Variants in XKR6 observed in about 807,000 individuals in gnomAD.
The protein encoded by XKR6 is XK related 6.
XKR6 carries 22 observed loss-of-function variants against 56.7 expected under a neutral mutation model. The observed-to-expected ratio is 0.39, with a 90% CI of 0.28 to 0.55. XKR6 has a LOEUF of 0.55. XKR6 is among the 20% of genes least tolerant of loss of function. XKR6 has a pLI of 0.66. For synonymous variants in XKR6, 524 were observed against 387.8 expected (o/e 1.35, Z -4.13); for missense variants, 852 against 889.0 (o/e 0.96, Z 0.53).
chr8:11,144,223 A>AGTGTGT (rs35351104), intron 1 of XKR6, among the ~76,000 whole-genome samples: 7,700 of 136,438 alleles, frequency 0.056, 240 homozygotes, highest in African/African-American at 0.072. Flanking sequence ...TTAAATAAAA[A>AGTGTGT]GTGTGTGTGT....
At chr8:11,000,455 G>A (rs145790766) in intron 1 of XKR6, among the ~76,000 whole-genome samples, 137 of 152,292 alleles carry the variant, frequency 9.0e-4, no homozygotes, top group African/African-American at 3.2e-3. Context: ...GGAAACTGAG[G>A]TGGATGCATC....
chr8:11,193,833 GCTT>G (rs1563210130), intron 1 of XKR6, among the ~76,000 whole-genome samples: 1 of 147,490 alleles, frequency 6.8e-6, no homozygotes, highest in Non-Finnish European at 1.5e-5. Flanking sequence ...TATTGCTTTA[GCTT>G]AATCTACCAC....
chr8:10,927,266 G>A (rs1800917464), intron 1 of XKR6, among the ~76,000 whole-genome samples: 1 of 152,114 alleles, frequency 6.6e-6, no homozygotes, highest in South Asian at 2.1e-4. Context: ...AGGGCTGCGT[G>A]CCCAGATCTT....
Position 11,105,970 on chromosome 8 carries a change from AAT to A in XKR6, c.764+94604_764+94605del, listed in dbSNP as rs1313168017. ...AATTTCAAACGACAAGCTTTTAAAT[AAT>A]TAGGCCACTTAATTTTTATTACACC... On this transcript the variant is annotated intron_variant, in intron 1 of 2. Transcript: ENST00000416569. 4.6e-5 allele frequency: 7 copies of A among 152,378 alleles called. No individual in the cohort carries two copies. In the East Asian group the frequency reaches 1.3e-3, roughly 29 times the overall value. 9.4% of individuals were successfully genotyped at this position (152,378 alleles called of 1,614,324 possible). A position where few individuals can be genotyped will look rare whatever the true frequency, so the allele number is the denominator to read the frequency against.
intron 1 of XKR6, among the ~76,000 whole-genome samples, chr8:11,156,833 G>GCA (rs377030492): frequency 1.3e-5 from 2 of 151,396 alleles, no homozygotes; most frequent in South Asian, 2.1e-4. Flanking sequence ...AGACACAGAT[G>GCA]CACACACACA....
chr8:11,053,504 G>A (rs2129160772), intron 1 of XKR6, among the ~76,000 whole-genome samples: 1 of 152,324 alleles, frequency 6.6e-6, no homozygotes, highest in Middle Eastern at 3.4e-3. Flanking sequence ...ATGATTCATG[G>A]CAGGAGGATG....
intron 1 of XKR6, among the ~76,000 whole-genome samples, chr8:10,969,230 A>C (rs796652901): frequency 4.6e-5 from 7 of 152,282 alleles, no homozygotes; most frequent in African/African-American, 1.7e-4. Flanking sequence ...GAGAAACTCC[A>C]ACTTAGATGC....
chr8:11,044,248 G>C (rs1327875697), intron 1 of XKR6, among the ~76,000 whole-genome samples: 1 of 152,180 alleles, frequency 6.6e-6, no homozygotes. Flanking sequence ...TAAATGTTAA[G>C]TCTCCAACCA....
At chr8:10,984,732 C>CTCTCTCTCTCTCTA in intron 1 of XKR6, among the ~76,000 whole-genome samples, 5 of 47,488 alleles carry the variant, frequency 1.1e-4, no homozygotes, top group African/African-American at 1.8e-4. Context: ...CTCTCTCTCT[C>CTCTCTCTCTCTCTA]TATATATATA....
chr8:11,076,439 G>A (rs953269724), intron 1 of XKR6, among the ~76,000 whole-genome samples: 2 of 152,146 alleles, frequency 1.3e-5, no homozygotes, highest in South Asian at 4.2e-4. Flanking sequence ...TGCCTGTTGG[G>A]TCCCAGCCTG....
chr8:11,149,197 AC>A (rs1236600201), intron 1 of XKR6, among the ~76,000 whole-genome samples: 1 of 152,218 alleles, frequency 6.6e-6, no homozygotes, highest in African/African-American at 2.4e-5. Context: ...ATGCATTATT[AC>A]AGTGCACTTA....
At chr8:11,058,812 C>G (rs772844054) in intron 1 of XKR6, among the ~76,000 whole-genome samples, 1 of 152,106 alleles carries the variant, frequency 6.6e-6, no homozygotes, top group African/African-American at 2.4e-5. Flanking sequence ...ATGTAACAAA[C>G]CTGCATGTTC....
chr8:10,970,413 G>C (rs1802370247), intron 1 of XKR6, among the ~76,000 whole-genome samples: 1 of 152,136 alleles, frequency 6.6e-6, no homozygotes, highest in African/African-American at 2.4e-5. Context: ...ATATGATACT[G>C]TGAATATTTA....
At chr8:10,938,935 T>C (rs1012283618) in intron 1 of XKR6, among the ~76,000 whole-genome samples, 1 of 152,204 alleles carries the variant, frequency 6.6e-6, no homozygotes, top group Non-Finnish European at 1.5e-5. Context: ...TTATTCAAAA[T>C]TGAGTACAGG....
chr8:11,148,722 C>T (rs1278058990), intron 1 of XKR6, among the ~76,000 whole-genome samples: 3 of 152,154 alleles, frequency 2.0e-5, no homozygotes, highest in African/African-American at 7.2e-5. Context: ...AAGACTTGTA[C>T]ACAAATGTTC....
At chr8:11,125,006 G>A (rs1344965420) in intron 1 of XKR6, among the ~76,000 whole-genome samples, 4 of 150,054 alleles carry the variant, frequency 2.7e-5, no homozygotes, top group Non-Finnish European at 5.9e-5. Context: ...GGAGAATGGC[G>A]TGAACCCGGG....
intron 1 of XKR6, among the ~76,000 whole-genome samples, chr8:11,042,666 C>T (rs73541300): frequency 0.044 from 6,648 of 152,284 alleles, 407 homozygotes; most frequent in African/African-American, 0.14. Flanking sequence ...ATCCAAAAAT[C>T]CCAAATCTGA....
At chr8:11,176,951 G>A (rs1802689584) in intron 1 of XKR6, among the ~76,000 whole-genome samples, 1 of 152,210 alleles carries the variant, frequency 6.6e-6, no homozygotes, top group Admixed American at 6.5e-5. Context: ...AAGAGAAGGT[G>A]GGGAGGAGAG....
chr8:10,968,586 C>A (rs973180950), intron 1 of XKR6, among the ~76,000 whole-genome samples: 3 of 152,224 alleles, frequency 2.0e-5, no homozygotes, highest in Non-Finnish European at 4.4e-5. Flanking sequence ...GGGGATGACA[C>A]CAGTCCTCGG....
Sources: gnomAD v4.1 joint callset for allele counts (sites outside exome capture counted in the v4.1 genomes callset) on GRCh38, gnomAD v4.1.1 for gene constraint, MANE v1.5 for transcripts, NCBI Gene and HGNC (gene_info 2026-07-23, HGNC 2026-07-21) for gene names.